NOS2: variants seen among roughly 807,000 people sequenced by gnomAD.
NOS2 encodes nitric oxide synthase 2.
Under a neutral mutation model 136.0 loss-of-function variants are expected in NOS2, and 96 were observed. That is an observed-to-expected ratio of 0.71 (90% CI 0.60 to 0.84). The LOEUF (loss-of-function observed/expected upper bound fraction) is 0.84, where lower values mean the gene tolerates loss of function less well. NOS2 is among the 40% of genes least tolerant of loss of function. The probability of loss-of-function intolerance (pLI) is 0.00; values close to 1 mark genes in which losing one functional copy is unlikely to be tolerated. For synonymous variants in NOS2, 539 were observed against 587.5 expected (o/e 0.92, Z 1.20); for missense variants, 1,237 against 1,496.9 (o/e 0.83, Z 2.87).
intron 2 of NOS2, chr17:27,793,904 C>T: frequency 2.7e-6 from 1 of 365,166 alleles, no homozygotes. Context: ...GGGCCCGCAG[C>T]CGGCGTCTGC....
At chr17:27,790,588 T>A (rs1478730764) in intron 2 of NOS2, among the ~76,000 whole-genome samples, 1 of 152,206 alleles carries the variant, frequency 6.6e-6, no homozygotes, top group Non-Finnish European at 1.5e-5. Context: ...CCGATCTTGT[T>A]TCACCTATAC....
chr17:27,768,380 G>C (rs1908379583), intron 17 of NOS2, among the ~76,000 whole-genome samples: 1 of 152,152 alleles, frequency 6.6e-6, no homozygotes, highest in Admixed American at 6.5e-5. Context: ...ACATGATCTT[G>C]TTGTATCCTC....
rs1202942581 is a variant in NOS2 at position 27,772,536 on chromosome 17, A to C, written c.1560-84T>G. 8 of 1,522,098 alleles carry C rather than the reference A, an allele frequency of 5.3e-6. No homozygotes were observed. In the Admixed American group the frequency reaches 1.4e-4, roughly 27 times the overall value. The allele number at this position is 1,522,098 out of a possible 1,614,324, so 94.3% of individuals were successfully genotyped here. A position where few individuals can be genotyped will look rare whatever the true frequency, so the allele number is the denominator to read the frequency against. ...TGGGGGACCAGGGGAATGGGAGGGG[A>C]CAGCGTTTAATGTGGGGCAGGTTGA... is the stretch of plus-strand genomic sequence containing the variant. On this transcript the variant is annotated intron_variant, in intron 13 of 26. Coordinates refer to ENST00000313735, the MANE Select transcript of NOS2 (RefSeq NM_000625.4).
intron 21 of NOS2, among the ~76,000 whole-genome samples, 199 bp from the exon 22 acceptor site, chr17:27,763,204 A>T (rs2151325482): frequency 6.6e-6 from 1 of 152,328 alleles, no homozygotes; most frequent in African/African-American, 2.4e-5. Context: ...CAGTACATTT[A>T]TCTAACTTGT....
chr17:27,772,803 G>T (rs1908539698), intron 13 of NOS2, among the ~76,000 whole-genome samples: 1 of 152,148 alleles, frequency 6.6e-6, no homozygotes, highest in Admixed American at 6.5e-5. Flanking sequence ...GGGAGGCTGA[G>T]CAGGAAGATC....
Position 27,782,976 on chromosome 17 carries a change from A to C in NOS2, c.598T>G (p.Cys200Gly), listed in dbSNP as rs1384623930. The change falls in exon 6 of 27, where the codon TGC becomes GGC. Residue 200 changes from cysteine to glycine, a missense_variant. By Grantham distance (159) the Cys-to-Gly change is radical. Around this residue, in one of 3 missense-constraint regions of NOS2, gnomAD observed 440 missense variants for 545.4 expected, o/e 0.81. Coordinates refer to ENST00000313735, the MANE Select transcript of NOS2 (RefSeq NM_000625.4). ...TKQAWRNAPR[C>G]IGRIQWSNLQ... The stretch of plus-strand genomic sequence containing the variant: ...TTGGACCACTGGATCCTCCCAATGC[A>C]GCGTGGGGCATTGCGCCAGGCCTGC... 10 of 1,614,082 alleles carry C rather than the reference A, an allele frequency of 6.2e-6. No individual in the cohort carries two copies. Among genetic ancestry groups the C allele is most frequent in the Non-Finnish European group, 8.5e-6 (10 of 1,180,050 alleles).
chr17:27,792,410 G>A (rs1413291665), intron 2 of NOS2, among the ~76,000 whole-genome samples: 1 of 152,196 alleles, frequency 6.6e-6, no homozygotes, highest in African/African-American at 2.4e-5. Flanking sequence ...ACTTTTTACA[G>A]TGACAATGAA....
At chr17:27,761,659 G>A (rs993013508) in intron 22 of NOS2, among the ~76,000 whole-genome samples, 1 of 152,264 alleles carries the variant, frequency 6.6e-6, no homozygotes. Context: ...ACTGCTGTGC[G>A]TGCTCATGAG....
intron 2 of NOS2, among the ~76,000 whole-genome samples, chr17:27,796,444 G>C (rs1341518575): frequency 6.6e-6 from 1 of 152,078 alleles, no homozygotes; most frequent in Non-Finnish European, 1.5e-5. Flanking sequence ...AACAGAGTGA[G>C]ACCCTGTCTA....
chr17:27,766,059 T>G (rs915616758), intron 19 of NOS2, among the ~76,000 whole-genome samples: 20 of 152,204 alleles, frequency 1.3e-4, no homozygotes, highest in Non-Finnish European at 1.9e-4. Context: ...ACAAACCCTG[T>G]TCTTATTAGA....
At chr17:27,760,483 G>T in intron 24 of NOS2, 140 bp downstream of exon 24, 2 of 1,151,278 alleles carry the variant, frequency 1.7e-6, no homozygotes, top group Non-Finnish European at 2.5e-6. Context: ...ATTCTAACCC[G>T]CAGAGGCCCG....
intron 2 of NOS2, among the ~76,000 whole-genome samples, chr17:27,795,492 T>C (rs552079424): frequency 1.1e-3 from 166 of 152,356 alleles, no homozygotes; most frequent in Non-Finnish European, 1.9e-3. Context: ...AAGGGTTTCA[T>C]TGATATCTTA....
chr17:27,761,869 C>T (rs768543120), intron 22 of NOS2, among the ~76,000 whole-genome samples: 7 of 152,170 alleles, frequency 4.6e-5, no homozygotes, highest in Non-Finnish European at 7.3e-5. Flanking sequence ...CCTGGTTTTC[C>T]TCGGGATTAA....
At chr17:27,758,849 G>A (rs201555044) in intron 26 of NOS2, 32 bp downstream of exon 26, 73 of 1,382,304 alleles carry the variant, frequency 5.3e-5, no homozygotes, top group Non-Finnish European at 6.5e-5. Context: ...GCCCTTGGCC[G>A]GCACCTTCAG....
intron 9 of NOS2, among the ~76,000 whole-genome samples, chr17:27,779,488 C>G (rs572304181): frequency 2.0e-5 from 3 of 151,850 alleles, no homozygotes; most frequent in African/African-American, 4.8e-5. Flanking sequence ...ACTGACCCCC[C>G]ACCTGCCCAC....
At chr17:27,785,572 C>T (rs1189893741) in intron 5 of NOS2, among the ~76,000 whole-genome samples, 1 of 152,050 alleles carries the variant, frequency 6.6e-6, no homozygotes. Flanking sequence ...GTCTACTGTG[C>T]AGCCAGGGTT....
At chr17:27,794,729 C>T (rs1056139046) in intron 2 of NOS2, among the ~76,000 whole-genome samples, 1 of 151,928 alleles carries the variant, frequency 6.6e-6, no homozygotes, top group African/African-American at 2.4e-5. Flanking sequence ...CACACACACA[C>T]ACACACACAC....
intron 5 of NOS2, among the ~76,000 whole-genome samples, chr17:27,785,957 C>CAAAAAAA (rs1170004221): frequency 2.5e-5 from 1 of 39,790 alleles, no homozygotes; most frequent in African/African-American, 1.0e-4. Context: ...GACCGAGTCT[C>CAAAAAAA]AAAAAAAAAA....
chr17:27,792,763 G>A (rs1015227833), intron 2 of NOS2, among the ~76,000 whole-genome samples: 4 of 136,502 alleles, frequency 2.9e-5, no homozygotes, highest in Admixed American at 1.7e-4. Flanking sequence ...CGGATCACTC[G>A]AGCCCAGGAG....
Sources: gnomAD v4.1 joint callset for allele counts (sites outside exome capture counted in the v4.1 genomes callset) on GRCh38, gnomAD v4.1.1 for gene constraint, gnomAD v4.1.1 regional missense constraint, MANE v1.5 for transcripts, NCBI Gene and HGNC (gene_info 2026-07-23, HGNC 2026-07-21) for gene names.